Variants in MACROD2 observed in about 807,000 individuals in gnomAD.
MACROD2 encodes the protein ADP-ribose glycohydrolase MACROD2.
A neutral mutation model predicts 70.4 loss-of-function variants in MACROD2; 36 were observed. The ratio of observed to expected loss-of-function variants is 0.51; its 90% CI spans 0.39 to 0.68. The LOEUF (loss-of-function observed/expected upper bound fraction) is 0.68, where lower values mean the gene tolerates loss of function less well. MACROD2 is among the 30% of genes least tolerant of loss of function. The pLI, the probability that MACROD2 is intolerant of heterozygous loss-of-function variation, is 0.00. For synonymous variants in MACROD2, 172 were observed against 178.8 expected (o/e 0.96, Z 0.30); for missense variants, 496 against 538.4 (o/e 0.92, Z 0.78).
rs529202915 is a variant in MACROD2 at position 14,942,059 on chromosome 20, G to A, written c.418+257100G>A. Among the ~76,000 whole-genome samples, 5 of 151,662 alleles carry A rather than the reference G, an allele frequency of 3.3e-5. No individual in the cohort carries two copies. In the East Asian group the frequency reaches 7.8e-4, roughly 24 times the overall value. ...AGCAACCAACCTGCCTCAGCATCCC[G>A]AAGTGCTGGGATTACAGGTGCATGC... On this transcript the variant is annotated intron_variant, in intron 5 of 17. Coordinates refer to ENST00000684519, the MANE Select transcript of MACROD2 (RefSeq NM_001351661.2).
At chr20:15,877,420 T>G (rs2147193735) in intron 9 of MACROD2, among the ~76,000 whole-genome samples, 1 of 152,280 alleles carries the variant, frequency 6.6e-6, no homozygotes, top group African/African-American at 2.4e-5. Context: ...GTGCTCATTT[T>G]GGCCAAGGAT....
intron 5 of MACROD2, among the ~76,000 whole-genome samples, chr20:15,022,286 C>A (rs1245285948): frequency 3.9e-5 from 6 of 152,098 alleles, no homozygotes; most frequent in Admixed American, 3.9e-4. Context: ...AGGGTTCCTA[C>A]CAATGTAGGC....
intron 3 of MACROD2, among the ~76,000 whole-genome samples, chr20:14,108,095 A>G (rs1427535183): frequency 6.6e-6 from 1 of 152,158 alleles, no homozygotes; most frequent in African/African-American, 2.4e-5. Flanking sequence ...ACAAAGAGGA[A>G]CAACAAAAAG....
At chr20:14,353,392 G>A (rs1375530315) in intron 3 of MACROD2, among the ~76,000 whole-genome samples, 1 of 151,954 alleles carries the variant, frequency 6.6e-6, no homozygotes, top group Non-Finnish European at 1.5e-5. Flanking sequence ...AGACTGCAAG[G>A]AACATTCTTT....
intron 6 of MACROD2, among the ~76,000 whole-genome samples, chr20:15,354,760 T>A (rs1334554162): frequency 4.6e-5 from 7 of 152,304 alleles, no homozygotes; most frequent in African/African-American, 1.7e-4. Flanking sequence ...ATTGATGGAT[T>A]ATTATGCAGC....
In MACROD2 at chr20:14,980,815, A is replaced by G. The variant is rs558179975; in HGVS notation, c.419-249125A>G. Among the ~76,000 whole-genome samples the G allele has an allele frequency of 5.3e-5, 8 of 152,224 alleles. No individual in the cohort carries two copies. In the East Asian group the frequency reaches 1.5e-3, roughly 29 times the overall value. ...CTTGGTTCTCTCACTTACCCAGGAT[A>G]ATCAGGTCTTCAGCAAATCATGTCT... On this transcript the variant is annotated intron_variant, in intron 5 of 17. Coordinates refer to ENST00000684519, the MANE Select transcript of MACROD2 (RefSeq NM_001351661.2).
chr20:14,743,489 C>T (rs1472949410), intron 5 of MACROD2, among the ~76,000 whole-genome samples: 3 of 152,020 alleles, frequency 2.0e-5, no homozygotes, highest in Admixed American at 2.0e-4. Context: ...AGGAAGACGA[C>T]CACAAGTCAA....
intron 4 of MACROD2, among the ~76,000 whole-genome samples, chr20:14,598,825 T>A (rs1293934213): frequency 6.6e-6 from 1 of 152,156 alleles, no homozygotes; most frequent in Non-Finnish European, 1.5e-5. Context: ...CTATGACATA[T>A]GCCACAAATC....
chr20:14,156,136 T>G (rs886685109), intron 3 of MACROD2, among the ~76,000 whole-genome samples: 4 of 152,178 alleles, frequency 2.6e-5, no homozygotes, highest in Admixed American at 6.5e-5. Flanking sequence ...CACTCCAGCC[T>G]GGGCGACAAA....
intron 4 of MACROD2, among the ~76,000 whole-genome samples, chr20:14,650,700 A>T (rs1226518413): frequency 6.6e-6 from 1 of 152,212 alleles, no homozygotes; most frequent in African/African-American, 2.4e-5. Flanking sequence ...CTGCTTCCCT[A>T]CCAAATGATT....
intron 3 of MACROD2, among the ~76,000 whole-genome samples, chr20:14,306,437 A>T (rs1326391888): frequency 6.6e-6 from 1 of 152,114 alleles, no homozygotes; most frequent in African/African-American, 2.4e-5. Context: ...TCTGTTATTC[A>T]GTCTGCTGAA....
intron 4 of MACROD2, among the ~76,000 whole-genome samples, chr20:14,538,896 G>A (rs956659989): frequency 3.9e-5 from 6 of 152,096 alleles, no homozygotes; most frequent in Non-Finnish European, 8.8e-5. Flanking sequence ...CTCTTTCCGT[G>A]CTCCCCACAA....
At chr20:15,921,447 C>T (rs1267714656) in intron 10 of MACROD2, among the ~76,000 whole-genome samples, 1 of 152,230 alleles carries the variant, frequency 6.6e-6, no homozygotes, top group Non-Finnish European at 1.5e-5. Context: ...AAGCCTTTCT[C>T]ACATAAGAGT....
At chr20:15,037,975 G>A (rs1278547725) in intron 5 of MACROD2, among the ~76,000 whole-genome samples, 1 of 152,084 alleles carries the variant, frequency 6.6e-6, no homozygotes, top group Non-Finnish European at 1.5e-5. Flanking sequence ...AATGCTTGAG[G>A]CAATGGATGT....
At chr20:15,192,670 C>T (rs187665481) in intron 5 of MACROD2, among the ~76,000 whole-genome samples, 12 of 152,236 alleles carry the variant, frequency 7.9e-5, no homozygotes, top group African/African-American at 2.9e-4. Context: ...GTCTGTATCT[C>T]ACTCCATACA....
chr20:14,765,639 C>A (rs2072077134), intron 5 of MACROD2, among the ~76,000 whole-genome samples: 1 of 151,930 alleles, frequency 6.6e-6, no homozygotes, highest in Admixed American at 6.5e-5. Flanking sequence ...GAAAGGGACC[C>A]TAGGGATCAC....
chr20:15,907,102 A>G (rs956069493), intron 10 of MACROD2, among the ~76,000 whole-genome samples: 1 of 152,152 alleles, frequency 6.6e-6, no homozygotes, highest in Non-Finnish European at 1.5e-5. Flanking sequence ...ATTCTATTCA[A>G]TGGGTTGTAA....
chr20:14,881,739 GT>G (rs1271912586), intron 5 of MACROD2, among the ~76,000 whole-genome samples: 3 of 152,118 alleles, frequency 2.0e-5, no homozygotes, highest in Non-Finnish European at 4.4e-5. Context: ...TTCCTCAGGA[GT>G]TCTGGCTGAG....
At chr20:14,622,122 A>G (rs1048031354) in intron 4 of MACROD2, among the ~76,000 whole-genome samples, 1 of 152,126 alleles carries the variant, frequency 6.6e-6, no homozygotes, top group East Asian at 1.9e-4. Context: ...ATCATTTTTA[A>G]TGTATTCCTG....
Sources: gnomAD v4.1 joint callset for allele counts (sites outside exome capture counted in the v4.1 genomes callset) on GRCh38, gnomAD v4.1.1 for gene constraint, MANE v1.5 for transcripts, NCBI Gene and HGNC (gene_info 2026-07-23, HGNC 2026-07-21) for gene names.